The following SGCZ variants were observed in gnomAD, a reference collection of about 807,000 sequenced individuals.
SGCZ encodes the protein zeta-sarcoglycan.
Under a neutral mutation model 41.3 loss-of-function variants are expected in SGCZ, and 40 were observed. That is an observed-to-expected ratio of 0.97 (90% CI 0.75 to 1.26). SGCZ has a LOEUF of 1.26. SGCZ is among the 50% of genes most tolerant of loss of function. The pLI, the probability that SGCZ is intolerant of heterozygous loss-of-function variation, is 0.00. For synonymous variants in SGCZ, 206 were observed against 137.5 expected, an observed-to-expected ratio of 1.50 and a Z score of -3.49; for missense variants, 552 against 369.8, an observed-to-expected ratio of 1.49 and a Z score of -4.04.
chr8:14,982,665 G>A (rs1801706388), intron 1 of SGCZ, among the ~76,000 whole-genome samples: 1 of 152,184 alleles, frequency 6.6e-6, no homozygotes, highest in African/African-American at 2.4e-5. Flanking sequence ...AAAGCGTTAA[G>A]TGCAGTTATT....
chr8:14,112,570 T>C (rs1802408440), intron 5 of SGCZ, among the ~76,000 whole-genome samples: 1 of 152,152 alleles, frequency 6.6e-6, no homozygotes, highest in African/African-American at 2.4e-5. Flanking sequence ...TTACTTTCTT[T>C]TTCTTTATTT....
intron 1 of SGCZ, among the ~76,000 whole-genome samples, chr8:14,920,828 T>C (rs1799568778): frequency 6.6e-6 from 1 of 152,120 alleles, no homozygotes; most frequent in Non-Finnish European, 1.5e-5. Flanking sequence ...TTCTGGGAGG[T>C]TTCATTAAGA....
At position 14,085,718 on chromosome 8, in the gene SGCZ, G is replaced by A. The variant is rs1405417451; in HGVS notation, c.*4725C>T. ...AGGTTTTATGAATACCAAGGAGTTT[G>A]TTATGCATGTATAAAAGAAAAGTGG... On this transcript the variant is annotated 3_prime_UTR_variant, in exon 8 of 8. Transcript: ENST00000382080. 1.3e-5 allele frequency among the ~76,000 whole-genome samples: 2 copies of A among 151,682 alleles called. No individual in the cohort carries two copies. The highest frequency in any genetic ancestry group is 3.0e-5 in the Non-Finnish European group (2 of 67,762).
intron 1 of SGCZ, among the ~76,000 whole-genome samples, chr8:14,571,070 G>C (rs1258296084): frequency 6.6e-6 from 1 of 152,154 alleles, no homozygotes; most frequent in Non-Finnish European, 1.5e-5. Context: ...ATAAAGGAAA[G>C]AGGTTTGACT....
chr8:14,486,628 CCACG>C (rs1330740571), intron 2 of SGCZ, among the ~76,000 whole-genome samples: 1 of 152,202 alleles, frequency 6.6e-6, no homozygotes, highest in Non-Finnish European at 1.5e-5. Flanking sequence ...GGCTGAAGTG[CCACG>C]GCACCATCAC....
At chr8:14,524,603 C>A (rs931693627) in intron 2 of SGCZ, among the ~76,000 whole-genome samples, 3 of 152,156 alleles carry the variant, frequency 2.0e-5, no homozygotes. Context: ...AACAATGATA[C>A]CTTTGAATTA....
intron 5 of SGCZ, among the ~76,000 whole-genome samples, chr8:14,157,924 G>C (rs535692680): frequency 1.3e-5 from 2 of 152,186 alleles, no homozygotes; most frequent in Non-Finnish European, 2.9e-5. Flanking sequence ...GCTCATGCCT[G>C]TAATCCCAGA....
intron 1 of SGCZ, among the ~76,000 whole-genome samples, chr8:14,734,935 T>G (rs917127359): frequency 2.0e-5 from 3 of 152,224 alleles, no homozygotes; most frequent in Non-Finnish European, 4.4e-5. Flanking sequence ...ATGGGTATTC[T>G]GATTCATCAA....
intron 1 of SGCZ, among the ~76,000 whole-genome samples, chr8:15,137,203 T>C (rs185973013): frequency 6.6e-6 from 1 of 152,176 alleles, no homozygotes; most frequent in Non-Finnish European, 1.5e-5. Flanking sequence ...ATTATGCCCC[T>C]GCCCTAGATA....
At chr8:14,437,787 C>T (rs1010004233) in intron 2 of SGCZ, among the ~76,000 whole-genome samples, 1 of 150,944 alleles carries the variant, frequency 6.6e-6, no homozygotes, top group Admixed American at 6.6e-5. Context: ...TTTATTTTTA[C>T]ATTTTGTGCA....
At chr8:14,936,995 G>T (rs1178356632) in intron 1 of SGCZ, among the ~76,000 whole-genome samples, 1 of 151,476 alleles carries the variant, frequency 6.6e-6, no homozygotes, top group Non-Finnish European at 1.5e-5. Context: ...GTTTATAAAA[G>T]AACAATAACA....
In SGCZ at chr8:15,171,004, T is replaced by C. The variant is rs959252948; in HGVS notation, c.39+66581A>G. 5.3e-5 allele frequency among the ~76,000 whole-genome samples: 8 copies of C among 152,212 alleles called. No individual in the cohort carries two copies. The South Asian group carries it at 1.0e-3, about 20-fold the overall frequency. On this transcript the variant is annotated intron_variant, in intron 1 of 7. Coordinates refer to ENST00000382080, the MANE Select transcript of SGCZ (RefSeq NM_139167.4). Reference sequence around the variant, plus strand: ...AGTATTAAATTGATTATTCAGATAATATTTAGACTAACAAACAAATTATGA... The same window carrying C: ...AGTATTAAATTGATTATTCAGATAACATTTAGACTAACAAACAAATTATGA...
At chr8:15,213,380 C>G (rs1443420839) in intron 1 of SGCZ, among the ~76,000 whole-genome samples, 2 of 151,160 alleles carry the variant, frequency 1.3e-5, no homozygotes, top group Non-Finnish European at 3.0e-5. Context: ...AAAATATTAC[C>G]TAAACTTACT....
intron 1 of SGCZ, among the ~76,000 whole-genome samples, chr8:15,097,873 T>C (rs1563124071): frequency 1.7e-4 from 10 of 59,552 alleles, no homozygotes; most frequent in Non-Finnish European, 2.9e-4. Context: ...TGTGTATATA[T>C]ATATATATAC....
chr8:14,184,688 G>C (rs937572232), intron 4 of SGCZ, among the ~76,000 whole-genome samples: 23 of 152,056 alleles, frequency 1.5e-4, no homozygotes, highest in African/African-American at 5.3e-4. Flanking sequence ...GCATAGTTTT[G>C]GACTAAAAAC....
At chr8:14,587,993 T>C (rs1805115881) in intron 1 of SGCZ, among the ~76,000 whole-genome samples, 1 of 152,120 alleles carries the variant, frequency 6.6e-6, no homozygotes, top group South Asian at 2.1e-4. Context: ...AGTGGCATCT[T>C]TACAAAAAGA....
At chr8:15,033,844 C>T (rs1219611760) in intron 1 of SGCZ, among the ~76,000 whole-genome samples, 2 of 152,108 alleles carry the variant, frequency 1.3e-5, no homozygotes, top group South Asian at 2.1e-4. Flanking sequence ...GATTCAGGCA[C>T]CGTACTCAAC....
chr8:14,201,027 A>T (rs953930145), intron 4 of SGCZ, among the ~76,000 whole-genome samples: 14 of 152,172 alleles, frequency 9.2e-5, no homozygotes, highest in Non-Finnish European at 1.8e-4. Flanking sequence ...GAAAACAAAA[A>T]CACAAAAAGA....
At chr8:15,193,911 C>T (rs1028926434) in intron 1 of SGCZ, among the ~76,000 whole-genome samples, 1 of 152,074 alleles carries the variant, frequency 6.6e-6, no homozygotes, top group African/African-American at 2.4e-5. Context: ...GCCTTCAAAT[C>T]ACTACATCTC....
Sources: allele counts gnomAD v4.1 joint callset (sites outside exome capture counted in the v4.1 genomes callset), GRCh38; gene constraint gnomAD v4.1.1; transcripts MANE v1.5; gene names NCBI Gene and HGNC (gene_info 2026-07-23, HGNC 2026-07-21).